The following CADPS variants were observed in gnomAD, a reference collection of about 807,000 sequenced individuals.
The protein encoded by CADPS is calcium-dependent secretion activator 1.
Under a neutral mutation model 167.3 loss-of-function variants are expected in CADPS, and 57 were observed. The ratio of observed to expected loss-of-function variants is 0.34; its 90% CI spans 0.28 to 0.42. The LOEUF is 0.42. Among genes scored for constraint, CADPS ranks in the 20% least tolerant of loss-of-function variants. The pLI is 1.00. For missense variants in CADPS, 1,414 were observed against 1,738.1 expected (o/e 0.81, Z 3.32); for synonymous variants, 676 against 635.3 (o/e 1.06, Z -0.96).
At chr3:62,676,684 C>T (rs1351540172) in intron 3 of CADPS, among the ~76,000 whole-genome samples, 7 of 152,266 alleles carry the variant, frequency 4.6e-5, no homozygotes, top group Middle Eastern at 3.4e-3. Context: ...TTTCAGCAAA[C>T]TGTGTACTCC....
intron 8 of CADPS, among the ~76,000 whole-genome samples, chr3:62,573,424 T>C (rs1181303531): frequency 6.6e-6 from 1 of 152,178 alleles, no homozygotes; most frequent in Non-Finnish European, 1.5e-5. Context: ...CTATATATCA[T>C]TAAAACCATC....
At chr3:62,856,042 T>C (rs944052002) in intron 1 of CADPS, among the ~76,000 whole-genome samples, 3 of 152,180 alleles carry the variant, frequency 2.0e-5, no homozygotes, top group Non-Finnish European at 2.9e-5. Flanking sequence ...TAATATTTAA[T>C]TATGGAATTT....
intron 1 of CADPS, among the ~76,000 whole-genome samples, chr3:62,770,991 AT>A (rs1250570564): frequency 7.9e-5 from 12 of 152,152 alleles, no homozygotes; most frequent in African/African-American, 2.9e-4. Flanking sequence ...GTAGTATCCC[AT>A]TTTACAGGTA....
At chr3:62,669,871 T>G (rs1285450925) in intron 3 of CADPS, among the ~76,000 whole-genome samples, 1 of 152,134 alleles carries the variant, frequency 6.6e-6, no homozygotes, top group East Asian at 1.9e-4. Flanking sequence ...CTGCATATAT[T>G]CTCCCTTACA....
intron 6 of CADPS, among the ~76,000 whole-genome samples, chr3:62,629,951 T>C (rs1013314013): frequency 1.3e-5 from 2 of 152,188 alleles, no homozygotes; most frequent in Non-Finnish European, 2.9e-5. Context: ...GAAGCTAATC[T>C]CAAGGGAGTT....
chr3:62,550,679 C>G (rs1352257949), intron 10 of CADPS, among the ~76,000 whole-genome samples: 2 of 152,092 alleles, frequency 1.3e-5, no homozygotes, highest in African/African-American at 4.8e-5. Context: ...TGTTGAGTAG[C>G]AAGGGTCTCT....
chr3:62,531,615 A>G (rs997568077), intron 13 of CADPS, among the ~76,000 whole-genome samples: 1 of 152,216 alleles, frequency 6.6e-6, no homozygotes, highest in South Asian at 2.1e-4. Flanking sequence ...AATGTAGTCA[A>G]TTCTGGATTC....
intron 1 of CADPS, among the ~76,000 whole-genome samples, chr3:62,778,236 C>G (rs2090789239): frequency 6.6e-6 from 1 of 152,226 alleles, no homozygotes; most frequent in Non-Finnish European, 1.5e-5. Flanking sequence ...TGGAATACTA[C>G]TGCAATCACT....
intron 10 of CADPS, among the ~76,000 whole-genome samples, chr3:62,556,928 G>A (rs1160596172): frequency 6.6e-6 from 1 of 150,608 alleles, no homozygotes; most frequent in Admixed American, 6.6e-5. Context: ...TAGGGAAAAT[G>A]GATATATTGG....
chr3:62,673,531 C>CTATTTT (rs2075888238), intron 3 of CADPS, among the ~76,000 whole-genome samples: 3 of 152,242 alleles, frequency 2.0e-5, no homozygotes, highest in East Asian at 1.9e-4. Context: ...AAAATATTCA[C>CTATTTT]TAAACACTTG....
At chr3:62,507,527 T>C (rs2066914149) in intron 17 of CADPS, among the ~76,000 whole-genome samples, 1 of 152,094 alleles carries the variant, frequency 6.6e-6, no homozygotes, top group African/African-American at 2.4e-5. Context: ...AACAAATATA[T>C]ATGGAGATTG....
chr3:62,720,890 T>A lies in CADPS; in HGVS notation c.888+32551A>T, dbSNP rs1017052301. On this transcript the variant is annotated intron_variant, in intron 3 of 29. Coordinates refer to ENST00000383710, the MANE Select transcript of CADPS (RefSeq NM_003716.4). ...TGGAGTGCCATGGTGCGATCTTGGC[T>A]CACTGCAAGCTCCGCCTCCCAGGTT... 1.2e-3 allele frequency among the ~76,000 whole-genome samples: 176 copies of A among 149,722 alleles called. 4 individuals carry two copies. Among genetic ancestry groups the A allele is most frequent in the Non-Finnish European group, 3.5e-4 (24 of 67,622 alleles).
At chr3:62,411,321 AG>A (rs1178694577) in intron 28 of CADPS, among the ~76,000 whole-genome samples, 1 of 152,168 alleles carries the variant, frequency 6.6e-6, no homozygotes, top group Non-Finnish European at 1.5e-5. Flanking sequence ...TCTTGCCTAG[AG>A]GGGCTAATGA....
intron 3 of CADPS, among the ~76,000 whole-genome samples, chr3:62,743,548 A>G (rs187014188): frequency 6.6e-6 from 1 of 152,328 alleles, no homozygotes; most frequent in Admixed American, 6.5e-5. Context: ...CAGCTAGGAA[A>G]CAACATGAAA....
At chr3:62,522,292 A>G (rs2070854218) in intron 13 of CADPS, among the ~76,000 whole-genome samples, 1 of 152,022 alleles carries the variant, frequency 6.6e-6, no homozygotes. Context: ...GCATGCCACC[A>G]TATCTTTTAA....
At chr3:62,810,849 G>C (rs1020199083) in intron 1 of CADPS, among the ~76,000 whole-genome samples, 1 of 152,222 alleles carries the variant, frequency 6.6e-6, no homozygotes, top group African/African-American at 2.4e-5. Flanking sequence ...GGGCTCTTAC[G>C]TGTGTTTGGT....
At chr3:62,776,768 A>G (rs936291942) in intron 1 of CADPS, among the ~76,000 whole-genome samples, 3 of 152,136 alleles carry the variant, frequency 2.0e-5, no homozygotes, top group African/African-American at 7.2e-5. Flanking sequence ...ATTTGAAGAG[A>G]GGAGGGCCCT....
chr3:62,630,786 T>C lies in CADPS; in HGVS notation c.1325+14936A>G, dbSNP rs575432708. Among the ~76,000 whole-genome samples, 9 of 152,330 alleles carry C rather than the reference T, an allele frequency of 5.9e-5. No individual in the cohort carries two copies. In the East Asian group the frequency reaches 1.7e-3, roughly 29 times the overall value. On this transcript the variant is annotated intron_variant, in intron 6 of 29. Transcript: ENST00000383710. ...AAAAATCAGTGCAAATAACATGTTA[T>C]AATGCTGACTTGGAGTTTTGTGTGA...
intron 3 of CADPS, among the ~76,000 whole-genome samples, chr3:62,670,346 T>C (rs1580097814): frequency 1.3e-5 from 2 of 152,276 alleles, no homozygotes; most frequent in African/African-American, 4.8e-5. Flanking sequence ...CGGTCTCCCA[T>C]GCAGTCAATT....
Sources: allele counts gnomAD v4.1 joint callset (sites outside exome capture counted in the v4.1 genomes callset), GRCh38; gene constraint gnomAD v4.1.1; transcripts MANE v1.5; gene names NCBI Gene and HGNC (gene_info 2026-07-23, HGNC 2026-07-21).